Variants in RGS6 observed in about 807,000 individuals in gnomAD.
RGS6 encodes regulator of G-protein signaling 6.
In RGS6, 30 loss-of-function variants were observed where a neutral mutation model predicts 78.5. The observed-to-expected ratio is 0.38, with a 90% CI of 0.29 to 0.52. The LOEUF is 0.52. RGS6 is among the 20% of genes least tolerant of loss of function. The pLI is 0.85. For synonymous variants in RGS6, 206 were observed against 206.0 expected (o/e 1.00, Z 0.00); for missense variants, 495 against 609.7 (o/e 0.81, Z 1.98).
Position 72,444,392 on chromosome 14 carries a change from TG to T in RGS6, c.185-10131del, listed in dbSNP as rs202084338. On this transcript the variant is annotated intron_variant, in intron 3 of 17. Coordinates refer to ENST00000553525, the MANE Select transcript of RGS6 (RefSeq NM_001204424.2). ...GAGGGAGGTGAGGGGGGATGGGGCTTGGGGGAGAACAGTGGCCAAGGGCTTC... is the reference window on the plus strand; with the variant it reads ...GAGGGAGGTGAGGGGGGATGGGGCTTGGGGAGAACAGTGGCCAAGGGCTTC... Among the ~76,000 whole-genome samples, 1,023 of 152,056 alleles carry T rather than the reference TG, an allele frequency of 6.7e-3. 11 individuals carry two copies. The highest frequency in any genetic ancestry group is 0.023 in the African/African-American group (953 of 41,500).
At chr14:72,579,084 A>AAGTC in the RGS6 span, among the ~76,000 whole-genome samples, 2 of 152,068 alleles carry the variant, frequency 1.3e-5, no homozygotes, top group Non-Finnish European at 2.9e-5. Context: ...TCCAGTCCCA[A>AAGTC]AGTCAGTCAG....
At chr14:72,182,449 TAAG>T (rs1390886331) in intron 2 of RGS6, among the ~76,000 whole-genome samples, 1 of 144,466 alleles carries the variant, frequency 6.9e-6, no homozygotes, top group Non-Finnish European at 1.5e-5. Context: ...AGCAAGAAAG[TAAG>T]AAAGAATAGC....
At chr14:72,403,603 T>A (rs914113854) in intron 3 of RGS6, among the ~76,000 whole-genome samples, 1 of 152,246 alleles carries the variant, frequency 6.6e-6, no homozygotes, top group African/African-American at 2.4e-5. Context: ...AGATTTTGAA[T>A]GTTCCCAACG....
intron 2 of RGS6, among the ~76,000 whole-genome samples, chr14:72,012,706 C>T (rs568520979): frequency 6.6e-6 from 1 of 152,210 alleles, no homozygotes; most frequent in African/African-American, 2.4e-5. Context: ...AAGGCAAAGG[C>T]AATTTTGTGT....
chr14:72,149,954 T>C (rs1359339531), intron 2 of RGS6, among the ~76,000 whole-genome samples: 2 of 152,228 alleles, frequency 1.3e-5, no homozygotes, highest in African/African-American at 4.8e-5. Context: ...ATCCTGGCTG[T>C]GGCTTCAAAT....
intron 3 of RGS6, among the ~76,000 whole-genome samples, chr14:72,378,580 A>C (rs993414683): frequency 1.3e-5 from 2 of 152,142 alleles, no homozygotes; most frequent in African/African-American, 2.4e-5. Context: ...CATGCCAGTA[A>C]ATTTAAAAAC....
At chr14:72,134,627 A>G (rs961777293) in intron 2 of RGS6, among the ~76,000 whole-genome samples, 1 of 152,230 alleles carries the variant, frequency 6.6e-6, no homozygotes, top group Non-Finnish European at 1.5e-5. Flanking sequence ...GAGGAGACTT[A>G]TTATGGGAAT....
chr14:72,426,592 T>C (rs1451258521), intron 3 of RGS6, among the ~76,000 whole-genome samples: 1 of 152,250 alleles, frequency 6.6e-6, no homozygotes, highest in African/African-American at 2.4e-5. Context: ...CAGTAAGTGG[T>C]AAAGTTAGGA....
At chr14:72,344,723 G>C (rs186596586) in intron 2 of RGS6, among the ~76,000 whole-genome samples, 4 of 152,180 alleles carry the variant, frequency 2.6e-5, no homozygotes, top group Admixed American at 1.3e-4. Flanking sequence ...TAGAGCGATC[G>C]TTGATATGGA....
chr14:72,511,882 A>G (rs1337655802), intron 14 of RGS6: 2 of 152,228 alleles, frequency 1.3e-5, no homozygotes, highest in Non-Finnish European at 2.9e-5. Context: ...GATTCCAAAC[A>G]CATCTCAGAG....
At chr14:72,291,631 T>C (rs1384086987) in intron 2 of RGS6, among the ~76,000 whole-genome samples, 1 of 152,204 alleles carries the variant, frequency 6.6e-6, no homozygotes, top group African/African-American at 2.4e-5. Flanking sequence ...AAGCCAGACT[T>C]TCTGATGGGC....
At chr14:71,942,067 C>A (rs2090682310) in intron 1 of RGS6, among the ~76,000 whole-genome samples, 1 of 152,144 alleles carries the variant, frequency 6.6e-6, no homozygotes, top group African/African-American at 2.4e-5. Flanking sequence ...GGAGGAATAT[C>A]TTTCTGGAGT....
At chr14:72,169,599 T>A (rs1455501141) in intron 2 of RGS6, among the ~76,000 whole-genome samples, 1 of 152,220 alleles carries the variant, frequency 6.6e-6, no homozygotes, top group Non-Finnish European at 1.5e-5. Flanking sequence ...TGAAATCTCT[T>A]TAGTTTATTG....
intron 2 of RGS6, among the ~76,000 whole-genome samples, chr14:72,066,786 G>C (rs930442286): frequency 6.6e-6 from 1 of 150,900 alleles, no homozygotes; most frequent in African/African-American, 2.4e-5. Flanking sequence ...TCTTCTCCCG[G>C]TGTTCTTATA....
At chr14:72,506,531 C>A (rs1347541279) in intron 13 of RGS6, among the ~76,000 whole-genome samples, 1 of 152,114 alleles carries the variant, frequency 6.6e-6, no homozygotes, top group Non-Finnish European at 1.5e-5. Flanking sequence ...ATTGGGAATA[C>A]TCAAGTGATA....
At chr14:71,962,642 G>A (rs2093282723) in intron 1 of RGS6, among the ~76,000 whole-genome samples, 1 of 152,106 alleles carries the variant, frequency 6.6e-6, no homozygotes, top group African/African-American at 2.4e-5. Context: ...TAGAAATCCT[G>A]ATATTACAGT....
At chr14:72,466,210 C>G (rs987696796) in intron 7 of RGS6, among the ~76,000 whole-genome samples, 1 of 151,996 alleles carries the variant, frequency 6.6e-6, no homozygotes, top group Admixed American at 6.6e-5. Context: ...TTAGAATGGC[C>G]AAAATAAAAA....
intron 2 of RGS6, among the ~76,000 whole-genome samples, chr14:72,225,107 T>G (rs1437571301): frequency 6.6e-6 from 1 of 152,126 alleles, no homozygotes; most frequent in Non-Finnish European, 1.5e-5. Flanking sequence ...GAAGGTGCGT[T>G]TGATGAATTT....
chr14:72,570,234 A>G (rs1044734192), downstream of RGS6, among the ~76,000 whole-genome samples: 3 of 152,262 alleles, frequency 2.0e-5, no homozygotes, highest in Non-Finnish European at 4.4e-5. Flanking sequence ...TCTAGAGATA[A>G]TGTAAAGTAT....
Sources: gnomAD v4.1 joint callset for allele counts (sites outside exome capture counted in the v4.1 genomes callset) on GRCh38, gnomAD v4.1.1 for gene constraint, MANE v1.5 for transcripts, NCBI Gene and HGNC (gene_info 2026-07-23, HGNC 2026-07-21) for gene names.